The following ZNF469 variants were observed in gnomAD, a reference collection of about 807,000 sequenced individuals.
The protein encoded by ZNF469 is zinc finger protein 469.
Under a neutral mutation model 1.0 loss-of-function variants are expected in ZNF469, and 1 was observed. The ratio of observed to expected loss-of-function variants is 1.00; its 90% CI spans 0.35 to 4.73. The LOEUF (loss-of-function observed/expected upper bound fraction) is 4.73. ZNF469 is among the 30% of genes most tolerant of loss of function. The probability of loss-of-function intolerance (pLI) is 0.16; values close to 1 mark genes in which losing one functional copy is unlikely to be tolerated. For synonymous variants in ZNF469, 2,703 were observed against 2,363.4 expected, an observed-to-expected ratio of 1.14 and a Z score of -4.17; for missense variants, 6,100 against 5,356.3, an observed-to-expected ratio of 1.14 and a Z score of -4.33.
the ZNF469 span, among the ~76,000 whole-genome samples, chr16:88,360,581 CG>C: frequency 5.2e-5 from 6 of 114,710 alleles, no homozygotes; most frequent in African/African-American, 8.1e-5. Context: ...CATGCTCCCT[CG>C]AAGGCAGTCC....
At chr16:88,308,326 A>G in the ZNF469 span, among the ~76,000 whole-genome samples, 1 of 152,172 alleles carries the variant, frequency 6.6e-6, no homozygotes, top group Admixed American at 6.5e-5. Flanking sequence ...TTACATTTCC[A>G]TATGAATCTC....
rs1363179785 is a variant in ZNF469, at chr16:88,431,324, C to T, written c.3854C>T (p.Ala1285Val). 1 of 1,549,724 alleles carries T rather than the reference C, an allele frequency of 6.5e-7. No homozygotes were observed. Among genetic ancestry groups the T allele is most frequent in the East Asian group, 2.4e-5 (1 of 40,904 alleles). The stretch of plus-strand genomic sequence containing the variant: ...ACCCCCAAGCCGTCGGGAAGCCTCG[C>T]CAACACGGCGCCCCACGGAAGCTCG... ...TGTPKPSGSL[A>V]NTAPHGSSPT... Residue 1285 changes from alanine (A) to valine (V), a missense_variant, in exon 3 of 3, where the codon GCC becomes GTC. Transcript: ENST00000565624.
At chr16:88,388,696 C>T (rs1240210700) in intron 1 of ZNF469, among the ~76,000 whole-genome samples, 8 of 151,978 alleles carry the variant, frequency 5.3e-5, no homozygotes, top group African/African-American at 1.2e-4. Context: ...CTGTAGAAGC[C>T]GGAGAGCCTG....
Position 88,400,165 on chromosome 16 carries a change from G to A in ZNF469, c.-192+16911G>A, listed in dbSNP as rs115361882. On this transcript the variant is annotated intron_variant, in intron 1 of 2. Transcript: ENST00000565624. ...GCAGAGCCAATGGCCTTCATGGCAG[G>A]TGAGGACGGGCACCCAGCAAGGAGG... Among the ~76,000 whole-genome samples the A allele has an allele frequency of 3.8e-3, 582 of 152,346 alleles. 2 individuals carry two copies. Among genetic ancestry groups the A allele is most frequent in the African/African-American group, 0.014 (567 of 41,588 alleles).
chr16:88,437,669 C>A lies in ZNF469; in HGVS notation c.10199C>A (p.Pro3400Gln), dbSNP rs281165933. The A allele has an allele frequency of 1.4e-5, 21 of 1,548,628 alleles. No homozygotes were observed. Among genetic ancestry groups the A allele is most frequent in the Non-Finnish European group, 1.0e-5 (12 of 1,145,898 alleles). The change falls in exon 3 of 3, where the codon CCG (proline) becomes CAG (glutamine). Residue 3400 changes from proline to glutamine, a missense_variant. Physicochemically the swap from Pro to Gln is moderately conservative, Grantham distance 76. Coordinates refer to ENST00000565624, the MANE Select transcript of ZNF469 (RefSeq NM_001367624.2). ...LLERPELQHT[P>Q]LYACELCATV... is the part of the protein sequence containing the mutation. ...GAGCGGCCGGAGCTGCAGCACACGC[C>A]GCTGTATGCCTGCGAGCTCTGCGCC...
At chr16:88,102,175 G>T in the ZNF469 span, among the ~76,000 whole-genome samples, 2 of 151,874 alleles carry the variant, frequency 1.3e-5, no homozygotes, top group African/African-American at 4.8e-5. Flanking sequence ...AGTGTCCTGA[G>T]CAGGAACGGG....
At chr16:88,300,925 C>T in the ZNF469 span, among the ~76,000 whole-genome samples, 2 of 151,954 alleles carry the variant, frequency 1.3e-5, no homozygotes, top group Non-Finnish European at 2.9e-5. Flanking sequence ...ATTAGCCAAT[C>T]GTGGGGGCAG....
rs552692851 is a variant in ZNF469, at chr16:88,409,043, G to A, written c.-191-15764G>A. Among the ~76,000 whole-genome samples, 34 of 152,322 alleles carry A rather than the reference G, an allele frequency of 2.2e-4. No homozygotes were observed. In the South Asian group the frequency reaches 6.8e-3, roughly 31 times the overall value. Reference sequence around the variant, plus strand: ...GGCCCTCCCTAGCTGCAGGGGAGATGGGGCTGGGGCTGGGGCTGGGCCTGC... The same window carrying A: ...GGCCCTCCCTAGCTGCAGGGGAGATAGGGCTGGGGCTGGGGCTGGGCCTGC... On this transcript the variant is annotated intron_variant, in intron 1 of 2. Transcript: ENST00000565624.
chr16:88,200,256 C>T, the ZNF469 span, among the ~76,000 whole-genome samples: 222 of 152,286 alleles, frequency 1.5e-3, 1 homozygote, highest in African/African-American at 5.0e-3. Context: ...AAGTGGGAAA[C>T]GGAGAAAGGG....
intron 1 of ZNF469, among the ~76,000 whole-genome samples, chr16:88,406,125 G>A (rs1178940304): frequency 2.0e-5 from 3 of 152,256 alleles, no homozygotes; most frequent in Non-Finnish European, 2.9e-5. Flanking sequence ...ACCGTGTCCA[G>A]CCAGGCCCGA....
chr16:88,364,578 C>T, the ZNF469 span, among the ~76,000 whole-genome samples: 4 of 148,080 alleles, frequency 2.7e-5, no homozygotes, highest in Non-Finnish European at 5.9e-5. Context: ...GAATCAACGT[C>T]TTTCCATTAG....
Position 88,434,361 on chromosome 16 carries a change from A to G in ZNF469, c.6891A>G (p.Ala2297=), listed in dbSNP as rs1481844403. Residue 2297 remains alanine (A), a synonymous_variant, in exon 3 of 3, where the codon GCA becomes GCG. Transcript: ENST00000565624. ...CCAGCACTCCCACCGGAGATGAGGCACAGGCAGGCAGGGGACTCCCAGGGC... is the reference window on the plus strand; with the variant it reads ...CCAGCACTCCCACCGGAGATGAGGCGCAGGCAGGCAGGGGACTCCCAGGGC... The part of the protein sequence containing the change: ...GLSSTPTGDE[A]QAGRGLPGPD... 4 of 1,550,050 alleles carry G rather than the reference A, an allele frequency of 2.6e-6. No homozygotes were observed. The Admixed American group carries it at 7.8e-5, about 30-fold the overall frequency.
At chr16:88,323,934 A>G in the ZNF469 span, among the ~76,000 whole-genome samples, 28,000 of 152,020 alleles carry the variant, frequency 0.18, 2,711 homozygotes, top group South Asian at 0.28. Flanking sequence ...GTTCCCTACC[A>G]TGGTAGAACA....
the ZNF469 span, among the ~76,000 whole-genome samples, chr16:88,331,517 C>CCATCA: frequency 8.1e-6 from 1 of 123,596 alleles, no homozygotes; most frequent in Non-Finnish European, 1.7e-5. Flanking sequence ...CACCATCATC[C>CCATCA]TCATCACTAC....
Position 88,438,152 on chromosome 16 carries a change from C to T in ZNF469, c.10682C>T (p.Ala3561Val). 3 of 1,550,282 alleles carry T rather than the reference C, an allele frequency of 1.9e-6. No homozygotes were observed. The highest frequency in any genetic ancestry group is 3.3e-4 in the Middle Eastern group (2 of 5,992). Reference sequence around the variant, plus strand: ...CCGTCTCTGTCTCCCTTCCCAGCTGCCTTGGCTGATGGCAGAGGAGACTGC... The same window carrying T: ...CCGTCTCTGTCTCCCTTCCCAGCTGTCTTGGCTGATGGCAGAGGAGACTGC... ...PPPSLSPFPAALADGRGDCAL... is the reference protein window; with the variant it reads ...PPPSLSPFPAVLADGRGDCAL... Residue 3561 changes from alanine to valine, a missense_variant, in exon 3 of 3, where the codon GCC (alanine) becomes GTC (valine). Coordinates refer to ENST00000565624, the MANE Select transcript of ZNF469 (RefSeq NM_001367624.2).
At chr16:88,153,087 C>G in the ZNF469 span, among the ~76,000 whole-genome samples, 7 of 152,218 alleles carry the variant, frequency 4.6e-5, no homozygotes, top group Admixed American at 4.6e-4. Context: ...TTTCTGAACT[C>G]CTGCTGCCCC....
the ZNF469 span, among the ~76,000 whole-genome samples, chr16:88,173,686 A>G: frequency 6.6e-6 from 1 of 152,236 alleles, no homozygotes; most frequent in African/African-American, 2.4e-5. Context: ...TGACAATAAT[A>G]GCACAAAGAA....
the ZNF469 span, among the ~76,000 whole-genome samples, chr16:88,307,363 C>A: frequency 6.6e-6 from 1 of 152,220 alleles, no homozygotes; most frequent in Non-Finnish European, 1.5e-5. Flanking sequence ...CAGCTACAAG[C>A]AGCATTGCTG....
chr16:88,430,017 C>G lies in ZNF469; in HGVS notation c.2547C>G (p.Asn849Lys), dbSNP rs765421239. Reference protein sequence around the residue: ...KLDSLITEALNGMEYQSDNPE... With the variant: ...KLDSLITEALKGMEYQSDNPE... ...ACAGCCTCATCACAGAGGCGCTCAACGGCATGGAGTACCAGTCGGACAACC... is the reference window on the plus strand; with the variant it reads ...ACAGCCTCATCACAGAGGCGCTCAAGGGCATGGAGTACCAGTCGGACAACC... The change falls in exon 3 of 3, where the codon AAC (asparagine) becomes AAG (lysine). Residue 849 changes from asparagine to lysine, a missense_variant. Coordinates refer to ENST00000565624, the MANE Select transcript of ZNF469 (RefSeq NM_001367624.2). 12 of 1,550,258 alleles carry G rather than the reference C, an allele frequency of 7.7e-6. No individual in the cohort carries two copies. In the South Asian group the frequency reaches 1.3e-4, roughly 17 times the overall value.
Sources: allele counts gnomAD v4.1 joint callset (sites outside exome capture counted in the v4.1 genomes callset), GRCh38; gene constraint gnomAD v4.1.1; transcripts MANE v1.5; gene names NCBI Gene and HGNC (gene_info 2026-07-23, HGNC 2026-07-21).